The following RAPGEF4 variants were observed in gnomAD, a reference collection of about 807,000 sequenced individuals.
The protein encoded by RAPGEF4 is Rap guanine nucleotide exchange factor 4.
In RAPGEF4, 66 loss-of-function variants were observed where a neutral mutation model predicts 147.9. The ratio of observed to expected loss-of-function variants is 0.45; its 90% CI spans 0.37 to 0.55. The LOEUF (loss-of-function observed/expected upper bound fraction) is 0.55, where lower values mean the gene tolerates loss of function less well. Ranked by LOEUF, RAPGEF4 falls within the 20% of genes least tolerant of loss-of-function variation. The pLI, the probability that RAPGEF4 is intolerant of heterozygous loss-of-function variation, is 0.00. For missense variants in RAPGEF4, 1,071 were observed against 1,257.3 expected, an observed-to-expected ratio of 0.85 and a Z score of 2.24; for synonymous variants, 419 against 442.7, an observed-to-expected ratio of 0.95 and a Z score of 0.67.
chr2:173,020,547 G>C, intron 22 of RAPGEF4, 71 bp from the exon 23 acceptor site: 2 of 1,202,174 alleles, frequency 1.7e-6, no homozygotes, highest in South Asian at 2.5e-5. Context: ...GCAATTTGTT[G>C]GTGTGATTAG....
chr2:172,766,698 A>G (rs1170335650), intron 1 of RAPGEF4, among the ~76,000 whole-genome samples: 3 of 152,144 alleles, frequency 2.0e-5, no homozygotes, highest in Non-Finnish European at 4.4e-5. Context: ...TTTCTTCATC[A>G]ACACCAACAG....
intron 1 of RAPGEF4, among the ~76,000 whole-genome samples, chr2:172,760,467 C>G (rs1473774236): frequency 1.3e-5 from 2 of 152,036 alleles, no homozygotes; most frequent in Non-Finnish European, 2.9e-5. Context: ...GCCTGTAATC[C>G]CAGCACTTTG....
At position 172,810,082 on chromosome 2, in the gene RAPGEF4, A is replaced by G. The variant is rs192206794; in HGVS notation, c.298-4197A>G. On this transcript the variant is annotated intron_variant, in intron 3 of 30. Transcript: ENST00000397081. ...AATTGGTACCTTAACAGATTTTCCA[A>G]CTGAACCTTGGCTAAGAGGTACTTA... Among the ~76,000 whole-genome samples the G allele has an allele frequency of 2.6e-5, 4 of 152,314 alleles. No individual in the cohort carries two copies. In the East Asian group the frequency reaches 7.7e-4, roughly 29 times the overall value.
At chr2:172,769,266 A>T (rs1035380940) in intron 1 of RAPGEF4, among the ~76,000 whole-genome samples, 1 of 152,218 alleles carries the variant, frequency 6.6e-6, no homozygotes, top group African/African-American at 2.4e-5. Context: ...GGAGTCACGA[A>T]AAGTATGAAA....
At chr2:172,781,372 G>A (rs190242324) in intron 1 of RAPGEF4, among the ~76,000 whole-genome samples, 241 of 152,236 alleles carry the variant, frequency 1.6e-3, no homozygotes, top group African/African-American at 5.6e-3. Flanking sequence ...GGCAGGGTGT[G>A]GTGACTCACA....
chr2:172,817,686 C>A (rs1176145951), intron 4 of RAPGEF4, among the ~76,000 whole-genome samples: 2 of 151,942 alleles, frequency 1.3e-5, no homozygotes, highest in Non-Finnish European at 2.9e-5. Flanking sequence ...GTGGAGATTC[C>A]TTAATGAACA....
chr2:172,747,429 A>G (rs916940326), intron 1 of RAPGEF4, among the ~76,000 whole-genome samples: 1 of 152,176 alleles, frequency 6.6e-6, no homozygotes, highest in Non-Finnish European at 1.5e-5. Flanking sequence ...ACATTGTTGT[A>G]TATTAGATCT....
In RAPGEF4 at chr2:172,766,900, A is replaced by ACGATT. The variant is rs1237947715; in HGVS notation, c.66-28123_66-28119dup. ...CATATACACAATTCATTTATCCAAG[A>ACGATT]CGATTCTGAAACTGTGTGCAAGGAA... On this transcript the variant is annotated intron_variant, in intron 1 of 30. Coordinates refer to ENST00000397081, the MANE Select transcript of RAPGEF4 (RefSeq NM_007023.4). 2.0e-5 allele frequency among the ~76,000 whole-genome samples: 3 copies of ACGATT among 152,274 alleles called. No homozygotes were observed. In the East Asian group the frequency reaches 5.8e-4, roughly 29 times the overall value.
intron 3 of RAPGEF4, among the ~76,000 whole-genome samples, chr2:172,811,390 T>C (rs926563345): frequency 4.6e-5 from 7 of 152,234 alleles, no homozygotes; most frequent in Admixed American, 3.9e-4. Context: ...TATCACAAAA[T>C]AGGACATTCC....
Position 172,797,587 on chromosome 2 carries a change from A to G in RAPGEF4, c.271A>G (p.Lys91Glu). The G allele has an allele frequency of 1.2e-6, 2 of 1,613,646 alleles. No individual in the cohort carries two copies. Among genetic ancestry groups the G allele is most frequent in the South Asian group, 1.1e-5 (1 of 90,956 alleles). ...YAVLAGSLDVKVSETSSHQDA... is the reference protein window; with the variant it reads ...YAVLAGSLDVEVSETSSHQDA... ...TGTCCTGGCAGGGTCTTTGGATGTT[A>G]AAGTATCTGAGACCAGCAGTCACCA... Residue 91 changes from lysine to glutamate, a missense_variant, in exon 3 of 31, where the codon AAA becomes GAA. By Grantham distance (56) the Lys-to-Glu change is moderately conservative. Coordinates refer to ENST00000397081, the MANE Select transcript of RAPGEF4 (RefSeq NM_007023.4).
chr2:172,857,119 C>A (rs1180234545), intron 4 of RAPGEF4, among the ~76,000 whole-genome samples: 1 of 152,102 alleles, frequency 6.6e-6, no homozygotes, highest in Non-Finnish European at 1.5e-5. Context: ...TGACCAGAAG[C>A]AGAACTCTAT....
chr2:172,992,351 A>AT (rs1255581807), intron 15 of RAPGEF4, among the ~76,000 whole-genome samples: 1 of 152,202 alleles, frequency 6.6e-6, no homozygotes, highest in African/African-American at 2.4e-5. Flanking sequence ...GAATGAAAAC[A>AT]TTTTTTTAAT....
intron 4 of RAPGEF4, among the ~76,000 whole-genome samples, chr2:172,835,377 T>C (rs1690810355): frequency 6.6e-6 from 1 of 152,230 alleles, no homozygotes; most frequent in Non-Finnish European, 1.5e-5. Flanking sequence ...TTCTAAACTG[T>C]TGACCAAGCT....
At chr2:172,769,612 T>C (rs568185351) in intron 1 of RAPGEF4, among the ~76,000 whole-genome samples, 3 of 152,258 alleles carry the variant, frequency 2.0e-5, no homozygotes, top group Admixed American at 2.0e-4. Flanking sequence ...CCCCAGGTGC[T>C]CTCAGTTTGA....
At chr2:172,953,322 A>G (rs893434963) in intron 6 of RAPGEF4, among the ~76,000 whole-genome samples, 19 of 147,662 alleles carry the variant, frequency 1.3e-4, no homozygotes, top group Non-Finnish European at 2.4e-4. Context: ...TTCTCTATAT[A>G]TATCTCTATA....
At chr2:173,011,751 T>C (rs1244275889) in intron 17 of RAPGEF4, among the ~76,000 whole-genome samples, 1 of 152,034 alleles carries the variant, frequency 6.6e-6, no homozygotes, top group Non-Finnish European at 1.5e-5. Flanking sequence ...TTTCTTTGCC[T>C]AAGTACTTGT....
intron 1 of RAPGEF4, among the ~76,000 whole-genome samples, chr2:172,750,515 C>A (rs955722374): frequency 6.6e-6 from 1 of 152,058 alleles, no homozygotes; most frequent in African/African-American, 2.4e-5. Flanking sequence ...TGCCAGGTCC[C>A]GTCCCGCAAC....
intron 4 of RAPGEF4, among the ~76,000 whole-genome samples, chr2:172,835,888 T>C (rs572933365): frequency 5.1e-4 from 77 of 152,192 alleles, no homozygotes; most frequent in Admixed American, 1.0e-3. Flanking sequence ...CTAGCGAGCA[T>C]TCCATTCCTC....
intron 4 of RAPGEF4, among the ~76,000 whole-genome samples, chr2:172,890,305 T>C (rs1439979747): frequency 1.3e-5 from 2 of 152,208 alleles, no homozygotes; most frequent in East Asian, 3.8e-4. Flanking sequence ...TCCACAATTG[T>C]CCTTGGGGAC....
Sources: allele counts gnomAD v4.1 joint callset (sites outside exome capture counted in the v4.1 genomes callset), GRCh38; gene constraint gnomAD v4.1.1; transcripts MANE v1.5; gene names NCBI Gene and HGNC (gene_info 2026-07-23, HGNC 2026-07-21).